The following ROBO1 variants were observed in gnomAD, a reference collection of about 807,000 sequenced individuals.
The protein encoded by ROBO1 is roundabout guidance receptor 1, also known as roundabout homolog 1.
In ROBO1, 149 loss-of-function variants were observed where a neutral mutation model predicts 195.9. The observed-to-expected ratio is 0.76, with a 90% CI of 0.67 to 0.87. The LOEUF is 0.87. Ranked by LOEUF, ROBO1 falls within the 40% of genes least tolerant of loss-of-function variation. ROBO1 has a pLI of 0.00. For missense variants in ROBO1, 1,933 were observed against 2,068.3 expected (o/e 0.93, Z 1.27); for synonymous variants, 816 against 733.2 (o/e 1.11, Z -1.82).
intron 1 of ROBO1, among the ~76,000 whole-genome samples, chr3:79,732,518 C>G (rs1487796886): frequency 6.6e-6 from 1 of 152,122 alleles, no homozygotes; most frequent in Non-Finnish European, 1.5e-5. Flanking sequence ...TTCCCATTCT[C>G]AGCCAAAAGT....
At chr3:78,874,183 G>A (rs890859183) in intron 4 of ROBO1, among the ~76,000 whole-genome samples, 6 of 151,818 alleles carry the variant, frequency 4.0e-5, no homozygotes, top group East Asian at 1.9e-4. Flanking sequence ...CTAAGAAAAC[G>A]AATTTTAGCC....
intron 4 of ROBO1, among the ~76,000 whole-genome samples, chr3:78,819,883 TA>T (rs1202596373): frequency 1.3e-5 from 2 of 152,120 alleles, no homozygotes; most frequent in Non-Finnish European, 2.9e-5. Context: ...AGAAAAGAAA[TA>T]AAATCCTTAT....
intron 3 of ROBO1, among the ~76,000 whole-genome samples, chr3:79,004,732 T>G (rs1021413056): frequency 1.3e-5 from 2 of 151,808 alleles, no homozygotes; most frequent in Non-Finnish European, 2.9e-5. Context: ...GCCAGAGGAG[T>G]AAGAGTGTAT....
At chr3:79,656,736 G>T (rs906110195) in intron 1 of ROBO1, among the ~76,000 whole-genome samples, 1 of 151,576 alleles carries the variant, frequency 6.6e-6, no homozygotes, top group Non-Finnish European at 1.5e-5. Flanking sequence ...CTATACTAAA[G>T]AATTAAAAAA....
chr3:79,575,584 TTATATA>T (rs914589935), intron 2 of ROBO1, among the ~76,000 whole-genome samples: 3 of 142,056 alleles, frequency 2.1e-5, no homozygotes, highest in Admixed American at 7.4e-5. Flanking sequence ...ATAACAAATT[TTATATA>T]TATATATAAT....
chr3:79,124,996 T>G (rs2080188138), intron 3 of ROBO1, among the ~76,000 whole-genome samples: 1 of 152,032 alleles, frequency 6.6e-6, no homozygotes, highest in African/African-American at 2.4e-5. Flanking sequence ...AAGATGTAAG[T>G]TGGTGGTTAT....
At chr3:79,644,457 T>C (rs1945758488) in intron 1 of ROBO1, among the ~76,000 whole-genome samples, 1 of 152,100 alleles carries the variant, frequency 6.6e-6, no homozygotes. Context: ...AGCCTCACAA[T>C]GATGGCAGAA....
chr3:79,065,907 G>A (rs1338769733), intron 3 of ROBO1, among the ~76,000 whole-genome samples: 6 of 151,810 alleles, frequency 4.0e-5, no homozygotes, highest in South Asian at 2.1e-4. Context: ...ATTTAAAAAC[G>A]TACAATTAGA....
At chr3:78,675,882 C>A (rs1428458442) in intron 10 of ROBO1, among the ~76,000 whole-genome samples, 1 of 152,078 alleles carries the variant, frequency 6.6e-6, no homozygotes, top group Admixed American at 6.5e-5. Context: ...TCAAGTGGGT[C>A]CCTGACCCCT....
chr3:79,168,774 T>C (rs988081282), intron 2 of ROBO1, among the ~76,000 whole-genome samples: 2 of 152,124 alleles, frequency 1.3e-5, no homozygotes, highest in Non-Finnish European at 2.9e-5. Flanking sequence ...AGATAATATA[T>C]CAAGGGTTCC....
chr3:79,232,252 A>AT (rs1449155326), intron 2 of ROBO1, among the ~76,000 whole-genome samples: 3 of 145,024 alleles, frequency 2.1e-5, no homozygotes, highest in Non-Finnish European at 4.5e-5. Context: ...TGATTTAAAA[A>AT]AAAAAAAAAT....
At chr3:78,797,927 A>G (rs1392134149) in intron 4 of ROBO1, among the ~76,000 whole-genome samples, 1 of 152,218 alleles carries the variant, frequency 6.6e-6, no homozygotes, top group Non-Finnish European at 1.5e-5. Context: ...ATGAGGAAAC[A>G]GGGAACAGCA....
At chr3:79,283,695 G>T (rs1486481370) in intron 2 of ROBO1, among the ~76,000 whole-genome samples, 5 of 147,296 alleles carry the variant, frequency 3.4e-5, no homozygotes, top group Admixed American at 2.0e-4. Flanking sequence ...ATTTATCCAT[G>T]AATTCTTTTT....
chr3:79,011,466 T>C (rs189105825), intron 3 of ROBO1, among the ~76,000 whole-genome samples: 1 of 152,178 alleles, frequency 6.6e-6, no homozygotes, highest in Non-Finnish European at 1.5e-5. Context: ...CCAAATGATA[T>C]TGAAACAGAC....
intron 4 of ROBO1, among the ~76,000 whole-genome samples, chr3:78,884,629 G>T (rs1404665258): frequency 9.6e-6 from 1 of 103,880 alleles, no homozygotes; most frequent in Middle Eastern, 4.6e-3. Flanking sequence ...AAGAGAGAAA[G>T]AAAGAGAAAG....
At chr3:79,503,135 A>C (rs1168635767) in intron 2 of ROBO1, among the ~76,000 whole-genome samples, 1 of 152,158 alleles carries the variant, frequency 6.6e-6, no homozygotes, top group Admixed American at 6.5e-5. Flanking sequence ...CACTGCCATT[A>C]TGAGCTGTAA....
At chr3:79,389,465 C>A (rs2036870553) in intron 2 of ROBO1, among the ~76,000 whole-genome samples, 1 of 151,928 alleles carries the variant, frequency 6.6e-6, no homozygotes, top group Admixed American at 6.6e-5. Flanking sequence ...GGAAAGGGAC[C>A]TACAAATATG....
At chr3:79,429,424 C>A (rs756792021) in intron 2 of ROBO1, among the ~76,000 whole-genome samples, 1 of 152,060 alleles carries the variant, frequency 6.6e-6, no homozygotes, top group East Asian at 1.9e-4. Context: ...CAAAGTCTGA[C>A]CCTCTCTCAC....
intron 19 of ROBO1, among the ~76,000 whole-genome samples, chr3:78,651,140 C>T (rs962077074): frequency 2.6e-5 from 4 of 152,048 alleles, no homozygotes; most frequent in Non-Finnish European, 4.4e-5. Flanking sequence ...TAAACACATT[C>T]GTAACAAAAT....
Sources: allele counts gnomAD v4.1 joint callset (sites outside exome capture counted in the v4.1 genomes callset), GRCh38; gene constraint gnomAD v4.1.1; transcripts MANE v1.5; gene names NCBI Gene and HGNC (gene_info 2026-07-23, HGNC 2026-07-21).